The following TBC1D23 variants were observed in gnomAD, a reference collection of about 807,000 sequenced individuals.
The protein encoded by TBC1D23 is HCV non-structural protein 4A-transactivated protein 1.
Under a neutral mutation model 91.4 loss-of-function variants are expected in TBC1D23, and 55 were observed. The ratio of observed to expected loss-of-function variants is 0.60; its 90% CI spans 0.48 to 0.75. The LOEUF is 0.75. Among genes scored for constraint, TBC1D23 ranks in the 30% least tolerant of loss-of-function variants. TBC1D23 has a pLI of 0.00. For synonymous variants in TBC1D23, 289 were observed against 281.0 expected, an observed-to-expected ratio of 1.03 and a Z score of -0.28; for missense variants, 725 against 836.1, an observed-to-expected ratio of 0.87 and a Z score of 1.64.
chr3:100,271,928 CT>C (rs1196346401), intron 1 of TBC1D23, among the ~76,000 whole-genome samples: 1 of 152,122 alleles, frequency 6.6e-6, no homozygotes, highest in Non-Finnish European at 1.5e-5. Flanking sequence ...CAAGAATGTG[CT>C]TTAAGTTTTG....
chr3:100,282,515 CTACTA>C (rs1007062369), intron 3 of TBC1D23, among the ~76,000 whole-genome samples: 2 of 152,160 alleles, frequency 1.3e-5, no homozygotes, highest in African/African-American at 2.4e-5. Context: ...TGTAGAGAAA[CTACTA>C]TAAATTGTGA....
chr3:100,318,919 C>A, intron 16 of TBC1D23, 150 bp from the exon 17 acceptor site: 1 of 479,938 alleles, frequency 2.1e-6, no homozygotes. Context: ...TCCCAAAGTG[C>A]TGTGATTGCA....
chr3:100,287,169 G>A (rs894632104), intron 4 of TBC1D23, among the ~76,000 whole-genome samples: 1 of 151,650 alleles, frequency 6.6e-6, no homozygotes, highest in African/African-American at 2.4e-5. Flanking sequence ...CTAGAGTGGA[G>A]TTGCTTGATC....
At chr3:100,284,635 G>A (rs538715131) in intron 4 of TBC1D23, among the ~76,000 whole-genome samples, 4 of 152,126 alleles carry the variant, frequency 2.6e-5, no homozygotes, top group African/African-American at 9.7e-5. Flanking sequence ...TTTGAGACCA[G>A]ACAGATGTGC....
intron 7 of TBC1D23, among the ~76,000 whole-genome samples, chr3:100,295,717 C>G (rs1358601245): frequency 6.6e-6 from 1 of 152,186 alleles, no homozygotes; most frequent in African/African-American, 2.4e-5. Context: ...ATTCTCCCCA[C>G]CATATCCCCC....
chr3:100,280,186 G>T (rs536774190), intron 2 of TBC1D23, among the ~76,000 whole-genome samples: 1 of 151,600 alleles, frequency 6.6e-6, no homozygotes, highest in Non-Finnish European at 1.5e-5. Context: ...CCGAGATAGC[G>T]CCACTGCACT....
At chr3:100,282,176 G>T (rs2067700856) in intron 3 of TBC1D23, among the ~76,000 whole-genome samples, 1 of 152,106 alleles carries the variant, frequency 6.6e-6, no homozygotes, top group South Asian at 2.1e-4. Context: ...GCCAGGTGTG[G>T]TGGTGGGCGC....
rs1383865914 is a variant in TBC1D23, at chr3:100,302,097, T to C, written c.1123T>C (p.Ser375Pro). ...MLQNPSEFAQSVKSLLEAQKQ... is the reference protein window; with the variant it reads ...MLQNPSEFAQPVKSLLEAQKQ... ...TCAGAATCCATCTGAGTTTGCACAG[T>C]CAGTAAAATCCTTGCTGGAAGCACA... Residue 375 changes from serine to proline, a missense_variant, in exon 11 of 19, where the codon TCA becomes CCA. By Grantham distance (74) the Ser-to-Pro change is moderately conservative (BLOSUM62 -1). Transcript: ENST00000394144. The C allele has an allele frequency of 2.2e-5, 35 of 1,613,412 alleles. No homozygotes were observed. Among genetic ancestry groups the C allele is most frequent in the Non-Finnish European group, 3.0e-5 (35 of 1,179,820 alleles).
At chr3:100,289,823 G>A (rs1376798290) in intron 4 of TBC1D23, among the ~76,000 whole-genome samples, 4 of 152,080 alleles carry the variant, frequency 2.6e-5, no homozygotes, top group African/African-American at 9.7e-5. Context: ...TGTGTGTTAC[G>A]GGGGTTTGGT....
rs1360749619 is a variant in TBC1D23, at chr3:100,281,818, C to G, written c.242C>G (p.Thr81Ser). ...ATTTTAGACTTGCCAGAACAGAACA[C>G]TATTCACAAAGATTGCCTGCAGTTT... ...DGILDLPEQN[T>S]IHKDCLQFID... The change falls in exon 3 of 19, where the codon ACT (threonine) becomes AGT (serine). Residue 81 changes from threonine (T) to serine (S), a missense_variant. Thr to Ser is a moderately conservative substitution (Grantham distance 58, BLOSUM62 1). Coordinates refer to ENST00000394144, the MANE Select transcript of TBC1D23 (RefSeq NM_001199198.3). The G allele has an allele frequency of 1.9e-6, 3 of 1,609,842 alleles. No homozygotes were observed. The highest frequency in any genetic ancestry group is 1.1e-5 in the South Asian group (1 of 90,314).
At chr3:100,264,996 A>T (rs1309333171) in intron 1 of TBC1D23, among the ~76,000 whole-genome samples, 1 of 152,188 alleles carries the variant, frequency 6.6e-6, no homozygotes, top group Non-Finnish European at 1.5e-5. Context: ...TATGGACCAC[A>T]CTTAAGTTAG....
At chr3:100,309,197 A>AC in intron 13 of TBC1D23, among the ~76,000 whole-genome samples, 1 of 152,340 alleles carries the variant, frequency 6.6e-6, no homozygotes, top group Admixed American at 6.5e-5. Context: ...CAAAAAACAC[A>AC]AAAAAGAATT....
At chr3:100,313,558 T>C (rs985552737) in intron 15 of TBC1D23, among the ~76,000 whole-genome samples, 2 of 152,230 alleles carry the variant, frequency 1.3e-5, no homozygotes, top group African/African-American at 4.8e-5. Context: ...CATTGTATTA[T>C]AAATCTTGAT....
At chr3:100,319,253 TTAA>T (rs758801992) in intron 17 of TBC1D23, 49 bp downstream of exon 17, 5 of 1,499,646 alleles carry the variant, frequency 3.3e-6, no homozygotes, top group African/African-American at 2.8e-5. Context: ...TTTGGGGAAG[TTAA>T]TAATACAAAA....
chr3:100,304,784 CT>C, intron 11 of TBC1D23, 61 bp from the exon 12 acceptor site: 1 of 817,138 alleles, frequency 1.2e-6, no homozygotes, highest in East Asian at 2.4e-5. Flanking sequence ...TGTTTTAGAA[CT>C]AGCTAAAGTT....
chr3:100,304,671 A>G (rs1159148766), intron 11 of TBC1D23, among the ~76,000 whole-genome samples, 175 bp from the exon 12 acceptor site: 2 of 152,226 alleles, frequency 1.3e-5, no homozygotes, highest in Non-Finnish European at 2.9e-5. Context: ...CTTACAATGC[A>G]TAATAAGGTA....
chr3:100,298,332 G>A (rs992453068), intron 9 of TBC1D23, among the ~76,000 whole-genome samples: 1 of 152,098 alleles, frequency 6.6e-6, no homozygotes, highest in African/African-American at 2.4e-5. Flanking sequence ...ACTGAATGTG[G>A]CATTGTATAA....
At chr3:100,283,963 G>A in intron 4 of TBC1D23, 152 bp downstream of exon 4, 2 of 534,434 alleles carry the variant, frequency 3.7e-6, no homozygotes, top group Admixed American at 3.3e-5. Context: ...TTATTTTTGT[G>A]GTTATAAACA....
intron 16 of TBC1D23, 98 bp from the exon 17 acceptor site, chr3:100,318,971 T>C: frequency 1.2e-5 from 9 of 745,310 alleles, no homozygotes; most frequent in Non-Finnish European, 1.9e-5. Flanking sequence ...TTTCAATCCA[T>C]ATCTTCAAAA....
Sources: allele counts gnomAD v4.1 joint callset (sites outside exome capture counted in the v4.1 genomes callset), GRCh38; gene constraint gnomAD v4.1.1; transcripts MANE v1.5; gene names NCBI Gene and HGNC (gene_info 2026-07-23, HGNC 2026-07-21).